Variants in SLC4A5 observed in about 807,000 individuals in gnomAD.
The protein encoded by SLC4A5 is electrogenic sodium bicarbonate cotransporter 4.
In SLC4A5, 96 loss-of-function variants were observed where a neutral mutation model predicts 120.4. That is an observed-to-expected ratio of 0.80 (90% confidence interval 0.68 to 0.94). The LOEUF is 0.94. Ranked by LOEUF, SLC4A5 falls within the 40% of genes least tolerant of loss-of-function variation. The probability of loss-of-function intolerance (pLI) is 0.00; values close to 1 mark genes in which losing one functional copy is unlikely to be tolerated. For missense variants in SLC4A5, 1,259 were observed against 1,459.5 expected, an observed-to-expected ratio of 0.86 and a Z score of 2.24; for synonymous variants, 550 against 571.1, an observed-to-expected ratio of 0.96 and a Z score of 0.53.
At chr2:74,326,164 C>T (rs781493737) in intron 5 of SLC4A5, among the ~76,000 whole-genome samples, 16 of 152,026 alleles carry the variant, frequency 1.1e-4, no homozygotes, top group Non-Finnish European at 2.1e-4. Context: ...TTTTAAAAAC[C>T]CTCTTTTCTC....
At chr2:74,295,331 A>C (rs1006822851) in intron 7 of SLC4A5, among the ~76,000 whole-genome samples, 2 of 152,186 alleles carry the variant, frequency 1.3e-5, no homozygotes, top group Non-Finnish European at 2.9e-5. Flanking sequence ...CTAATATCTC[A>C]TTTTAAAAAT....
rs922931802 is a variant in SLC4A5 at position 74,285,888 on chromosome 2, C to T, written c.286G>A (p.Glu96Lys). 3.7e-6 allele frequency: 6 copies of T among 1,605,224 alleles called. No homozygotes were observed. The African/African-American group carries it at 6.7e-5, about 18-fold the overall frequency. ...TCCCCCAGGATGTCCTGGAGCTGCT[C>T]AGCAGCTGGGGACCCTGCAAAAGAG... The change falls in exon 8 of 31, where the codon GAG (glutamate) becomes AAG (lysine). Residue 96 changes from glutamate to lysine, a missense_variant. Glu to Lys is a moderately conservative substitution (Grantham distance 56). Transcript: ENST00000394019.
intron 17 of SLC4A5, 101 bp from the exon 18 acceptor site, chr2:74,248,587 G>T: frequency 7.2e-7 from 1 of 1,392,318 alleles, no homozygotes. Context: ...AGGCCACAGT[G>T]TTTATCCTTC....
chr2:74,309,374 T>G (rs919500246), intron 6 of SLC4A5, among the ~76,000 whole-genome samples: 17 of 152,196 alleles, frequency 1.1e-4, no homozygotes, highest in African/African-American at 4.1e-4. Flanking sequence ...TTTATTCTGT[T>G]CCACTGATCA....
chr2:74,254,554 G>T, intron 14 of SLC4A5, 65 bp downstream of exon 14: 1 of 1,242,404 alleles, frequency 8.0e-7, no homozygotes, highest in Non-Finnish European at 1.2e-6. Flanking sequence ...GTTAATGAAT[G>T]AAGGTGCAGT....
chr2:74,286,003 A>G, intron 7 of SLC4A5, 101 bp from the exon 8 acceptor site: 1 of 1,352,482 alleles, frequency 7.4e-7, no homozygotes, highest in Non-Finnish European at 9.7e-7. Flanking sequence ...AGGGAAAAGT[A>G]TTTTCTAATT....
intron 7 of SLC4A5, 38 bp from the exon 8 acceptor site, chr2:74,285,940 T>G: frequency 6.5e-7 from 1 of 1,540,058 alleles, no homozygotes; most frequent in Non-Finnish European, 8.8e-7. Context: ...GAGTGTCCCA[T>G]GGAAGGCAGG....
chr2:74,264,030 C>A, intron 10 of SLC4A5, 117 bp downstream of exon 10: 1 of 1,347,028 alleles, frequency 7.4e-7, no homozygotes, highest in African/African-American at 1.5e-5. Context: ...CTGAGGGATC[C>A]CCAGAACATC....
chr2:74,331,476 G>A (rs914887180), intron 4 of SLC4A5, among the ~76,000 whole-genome samples: 1 of 151,826 alleles, frequency 6.6e-6, no homozygotes, highest in East Asian at 1.9e-4. Context: ...AAGGCCTTGT[G>A]CATGAAGAAA....
intron 28 of SLC4A5, among the ~76,000 whole-genome samples, chr2:74,224,404 C>G (rs775223164): frequency 2.6e-5 from 4 of 152,206 alleles, no homozygotes; most frequent in Non-Finnish European, 5.9e-5. Context: ...TTGTTCCCAG[C>G]CCCTCCTGCC....
chr2:74,313,818 C>T (rs1672882478), intron 6 of SLC4A5, among the ~76,000 whole-genome samples: 1 of 152,168 alleles, frequency 6.6e-6, no homozygotes, highest in Admixed American at 6.5e-5. Flanking sequence ...CAGCAAGTTC[C>T]TATTCTCCAC....
chr2:74,315,696 A>C (rs1380172407), intron 5 of SLC4A5, among the ~76,000 whole-genome samples: 1 of 151,698 alleles, frequency 6.6e-6, no homozygotes, highest in African/African-American at 2.4e-5. Context: ...TGGGAGGCTG[A>C]GGCGGGAGAA....
At chr2:74,304,662 A>G (rs1672584331) in exon 7 of SLC4A5, 5 of 1,613,926 alleles carry the variant, frequency 3.1e-6, no homozygotes, top group Non-Finnish European at 4.2e-6. Context: ...TGGAAGCCCA[A>G]TGTGGATAGG....
At position 74,302,366 on chromosome 2, in the gene SLC4A5, C is replaced by A. The variant is rs943642774; in HGVS notation, c.271+2123G>T. On this transcript the variant is annotated intron_variant, in intron 7 of 30. Coordinates refer to ENST00000394019, the Ensembl canonical transcript of SLC4A5. ...ACGTGGTGGCTCATGCCTGTAATCC[C>A]AGCACTTTGGGAGGCTGAAGCAGGT... Among the ~76,000 whole-genome samples, 5 of 152,304 alleles carry A rather than the reference C, an allele frequency of 3.3e-5. No homozygotes were observed. The East Asian group carries it at 5.8e-4, about 18-fold the overall frequency.
intron 4 of SLC4A5, among the ~76,000 whole-genome samples, chr2:74,332,755 G>A (rs1673393579): frequency 6.9e-6 from 1 of 144,480 alleles, no homozygotes; most frequent in South Asian, 2.1e-4. Context: ...GTGCATGAAA[G>A]AGAGAGAGAG....
chr2:74,316,321 T>TAAA (rs60481743), intron 5 of SLC4A5, among the ~76,000 whole-genome samples: 5 of 51,168 alleles, frequency 9.8e-5, no homozygotes, highest in Non-Finnish European at 1.3e-4. Context: ...AAAAGAGTTG[T>TAAA]AAAAAAAAAA....
intron 21 of SLC4A5, among the ~76,000 whole-genome samples, chr2:74,237,891 A>C (rs1394582408): frequency 1.3e-5 from 2 of 152,036 alleles, no homozygotes; most frequent in Non-Finnish European, 2.9e-5. Context: ...CACCTGAGGT[A>C]AGGAGTTCAA....
intron 25 of SLC4A5, among the ~76,000 whole-genome samples, chr2:74,229,775 A>T (rs981603690): frequency 5.9e-5 from 9 of 152,296 alleles, no homozygotes; most frequent in African/African-American, 2.2e-4. Flanking sequence ...CTGCTCGGGT[A>T]TGCCCAGCAC....
chr2:74,228,344 C>G (rs1220562060), intron 25 of SLC4A5, among the ~76,000 whole-genome samples: 1 of 152,162 alleles, frequency 6.6e-6, no homozygotes, highest in Non-Finnish European at 1.5e-5. Flanking sequence ...AATCACGCAT[C>G]CGGCCGGGTG....
Sources: gnomAD v4.1 joint callset for allele counts (sites outside exome capture counted in the v4.1 genomes callset) on GRCh38, gnomAD v4.1.1 for gene constraint, MANE v1.5 for transcripts, NCBI Gene and HGNC (gene_info 2026-07-23, HGNC 2026-07-21) for gene names.